The following FMNL2 variants were observed in gnomAD, a reference collection of about 807,000 sequenced individuals.
The protein encoded by FMNL2 is formin like 2, also known as formin-like protein 2.
A neutral mutation model predicts 130.2 loss-of-function variants in FMNL2; 51 were observed. The observed-to-expected ratio is 0.39, with a 90% CI of 0.31 to 0.49. The LOEUF is 0.49. Among genes scored for constraint, FMNL2 ranks in the 20% least tolerant of loss-of-function variants. FMNL2 has a pLI of 0.85. For synonymous variants in FMNL2, 465 were observed against 467.1 expected (o/e 1.00, Z 0.06); for missense variants, 977 against 1,316.2 (o/e 0.74, Z 3.99).
At chr2:152,634,719 C>G (rs1021254593) in intron 21 of FMNL2, among the ~76,000 whole-genome samples, 1 of 152,184 alleles carries the variant, frequency 6.6e-6, no homozygotes, top group Admixed American at 6.5e-5. Context: ...TTCAACTTTT[C>G]AAGCGTTGGT....
At chr2:152,372,774 C>T (rs1381163400) in intron 1 of FMNL2, among the ~76,000 whole-genome samples, 1 of 152,232 alleles carries the variant, frequency 6.6e-6, no homozygotes, top group South Asian at 2.1e-4. Flanking sequence ...AATTACAGCC[C>T]GTGTTCCAGT....
chr2:152,366,098 A>C (rs1316108205), intron 1 of FMNL2, among the ~76,000 whole-genome samples: 1 of 152,144 alleles, frequency 6.6e-6, no homozygotes, highest in Non-Finnish European at 1.5e-5. Flanking sequence ...AGTAACCTCC[A>C]TGTTTACTAG....
At chr2:152,452,219 G>A (rs191455304) in intron 1 of FMNL2, among the ~76,000 whole-genome samples, 1 of 152,304 alleles carries the variant, frequency 6.6e-6, no homozygotes, top group East Asian at 1.9e-4. Flanking sequence ...TGAGGGACTT[G>A]CGTGATAGAT....
chr2:152,521,982 C>A lies in FMNL2; in HGVS notation c.157C>A (p.Arg53=). 1 of 1,611,736 alleles carries A rather than the reference C, an allele frequency of 6.2e-7. No individual in the cohort carries two copies. The highest frequency in any genetic ancestry group is 8.5e-7 in the Non-Finnish European group (1 of 1,179,206). The stretch of plus-strand genomic sequence containing the variant: ...ACCTCCTGACAAAGCCAGGTTACTG[C>A]GGCAGTATGATAATGAGAAAAAATG... ...NLPPDKARLL[R]QYDNEKKWEL... is the part of the protein sequence containing the mutation. The change falls in exon 2 of 26, where the codon CGG becomes AGG. Residue 53 remains arginine, a synonymous_variant. Transcript: ENST00000288670.
At chr2:152,368,682 G>C in intron 1 of FMNL2, among the ~76,000 whole-genome samples, 1 of 152,108 alleles carries the variant, frequency 6.6e-6, no homozygotes, top group East Asian at 1.9e-4. Flanking sequence ...AGGAGGGAGA[G>C]AAAGGGGGAG....
At chr2:152,562,135 A>T (rs1009737288) in intron 6 of FMNL2, among the ~76,000 whole-genome samples, 1 of 152,216 alleles carries the variant, frequency 6.6e-6, no homozygotes, top group Non-Finnish European at 1.5e-5. Flanking sequence ...GAGGACAGAG[A>T]TATCATCTAG....
At chr2:152,564,104 T>G (rs1002962836) in intron 6 of FMNL2, among the ~76,000 whole-genome samples, 1 of 152,200 alleles carries the variant, frequency 6.6e-6, no homozygotes, top group African/African-American at 2.4e-5. Context: ...ATATTATGAT[T>G]CCTCATTTTT....
chr2:152,562,020 C>G (rs986739569), intron 6 of FMNL2, among the ~76,000 whole-genome samples: 1 of 152,160 alleles, frequency 6.6e-6, no homozygotes, highest in Non-Finnish European at 1.5e-5. Flanking sequence ...TTCACTCATA[C>G]CTACAATCAT....
At chr2:152,584,724 T>G (rs948651281) in intron 9 of FMNL2, among the ~76,000 whole-genome samples, 1 of 152,272 alleles carries the variant, frequency 6.6e-6, no homozygotes, top group African/African-American at 2.4e-5. Flanking sequence ...CAGATGTAAA[T>G]TAAAGGAAGT....
intron 6 of FMNL2, among the ~76,000 whole-genome samples, chr2:152,570,017 AAAAG>A (rs1226375488): frequency 6.6e-6 from 1 of 151,688 alleles, no homozygotes; most frequent in African/African-American, 2.4e-5. Flanking sequence ...TCTCAAAAAA[AAAAG>A]AAAAGAAAAG....
chr2:152,623,251 C>G (rs1234487691), intron 15 of FMNL2, among the ~76,000 whole-genome samples: 2 of 152,222 alleles, frequency 1.3e-5, no homozygotes, highest in East Asian at 3.8e-4. Context: ...CTCTGCGGCC[C>G]TTCTGCTGCT....
At chr2:152,490,281 G>T (rs996081346) in intron 1 of FMNL2, among the ~76,000 whole-genome samples, 11 of 151,728 alleles carry the variant, frequency 7.2e-5, no homozygotes, top group Non-Finnish European at 8.8e-5. Context: ...TGGTTGGGGG[G>T]AGTGGGAGAG....
intron 1 of FMNL2, among the ~76,000 whole-genome samples, chr2:152,433,268 C>T (rs896795586): frequency 4.6e-5 from 7 of 152,174 alleles, no homozygotes; most frequent in African/African-American, 1.7e-4. Flanking sequence ...TTAGCACTTA[C>T]AATTCACTGC....
intron 1 of FMNL2, among the ~76,000 whole-genome samples, chr2:152,508,771 G>T (rs989777879): frequency 6.6e-6 from 1 of 152,126 alleles, no homozygotes; most frequent in Admixed American, 6.5e-5. Flanking sequence ...TGTCCCCCAG[G>T]CCTACTGTTG....
intron 1 of FMNL2, among the ~76,000 whole-genome samples, chr2:152,519,341 C>T (rs1195331397): frequency 6.6e-6 from 1 of 152,164 alleles, no homozygotes; most frequent in Non-Finnish European, 1.5e-5. Flanking sequence ...CCGTGCCACC[C>T]AGCATGTTGC....
chr2:152,449,086 G>A (rs1278223598), intron 1 of FMNL2, among the ~76,000 whole-genome samples: 1 of 152,206 alleles, frequency 6.6e-6, no homozygotes, highest in Non-Finnish European at 1.5e-5. Flanking sequence ...AACAGAAGGG[G>A]TGTTCAATAT....
intron 1 of FMNL2, among the ~76,000 whole-genome samples, chr2:152,369,749 C>T (rs535789590): frequency 6.6e-6 from 1 of 152,326 alleles, no homozygotes; most frequent in African/African-American, 2.4e-5. Flanking sequence ...GAAATTTGAA[C>T]CTCAGGGTTG....
At position 152,648,509 on chromosome 2, in the gene FMNL2, T is replaced by C. The variant is rs1034274463; in HGVS notation, c.*604T>C. On this transcript the variant is annotated 3_prime_UTR_variant, in exon 26 of 26. Coordinates refer to ENST00000288670, the MANE Select transcript of FMNL2 (RefSeq NM_052905.4). ...TTCTGCGCTAGAGAACGATGCTCTG[T>C]GAGAGGCATTCACTAGTATGAATGT... 2.6e-5 allele frequency: 4 copies of C among 153,316 alleles called. No individual in the cohort carries two copies. The highest frequency in any genetic ancestry group is 9.7e-5 in the African/African-American group (4 of 41,446). 9.5% of individuals were successfully genotyped at this position (153,316 alleles called of 1,614,324 possible).
At chr2:152,591,024 T>TG (rs1224927049) in intron 9 of FMNL2, among the ~76,000 whole-genome samples, 6,245 of 94,370 alleles carry the variant, frequency 0.066, 1,377 homozygotes, top group East Asian at 0.16. Context: ...TTTTTTTTTT[T>TG]GAGACAGCAT....
Sources: gnomAD v4.1 joint callset for allele counts (sites outside exome capture counted in the v4.1 genomes callset) on GRCh38, gnomAD v4.1.1 for gene constraint, MANE v1.5 for transcripts, NCBI Gene and HGNC (gene_info 2026-07-23, HGNC 2026-07-21) for gene names.